The following ACP3 variants were observed in gnomAD, a reference collection of about 807,000 sequenced individuals.
ACP3 encodes the protein prostatic acid phosphatase.
ACP3 carries 38 observed loss-of-function variants against 45.6 expected under a neutral mutation model. The ratio of observed to expected loss-of-function variants is 0.83; its 90% confidence interval spans 0.64 to 1.09. The LOEUF is 1.09. Among genes scored for constraint, ACP3 ranks in the 50% least tolerant of loss-of-function variants. ACP3 has a pLI of 0.00. For missense variants in ACP3, 466 were observed against 463.2 expected (o/e 1.01, Z -0.05); for synonymous variants, 162 against 164.7 (o/e 0.98, Z 0.13).
chr3:132,329,435 A>T (rs55716485), intron 2 of ACP3, among the ~76,000 whole-genome samples: 2 of 152,118 alleles, frequency 1.3e-5, no homozygotes, highest in African/African-American at 4.8e-5. Flanking sequence ...TTCTGCCCTG[A>T]CTATATTTCA....
In ACP3 at chr3:132,358,077, A is replaced by AAATG. The variant is rs1937955302; in HGVS notation, c.*1201_*1202insTGAA. On this transcript the variant is annotated 3_prime_UTR_variant, in exon 10 of 10. Transcript: ENST00000336375. ...TAAATAAATAAATAAATAAATAAATAAAAACAAAGTTGATTAAGAAAGGAA... is the reference window on the plus strand; with the variant it reads ...TAAATAAATAAATAAATAAATAAATAAATGAAAACAAAGTTGATTAAGAAAGGAA... The AAATG allele has an allele frequency of 2.3e-5, 2 of 88,316 alleles. No individual in the cohort carries two copies. The highest frequency in any genetic ancestry group is 7.4e-4 in the South Asian group (2 of 2,710). The allele number at this position is 88,316 out of a possible 1,614,324, so 5.5% of individuals were successfully genotyped here.
intron 7 of ACP3, among the ~76,000 whole-genome samples, chr3:132,349,116 A>G (rs2107812059): frequency 6.7e-6 from 1 of 149,116 alleles, no homozygotes; most frequent in South Asian, 2.1e-4. Flanking sequence ...CTGAAGCAAC[A>G]TGTCCTTAAA....
At chr3:132,360,684 C>T (rs1052029127), downstream of ACP3, among the ~76,000 whole-genome samples, 1 of 152,164 alleles carries the variant, frequency 6.6e-6, no homozygotes, top group Admixed American at 6.5e-5. Context: ...AGTGCTCTCC[C>T]ACCCCCATCT....
intron 10 of ACP3, among the ~76,000 whole-genome samples, chr3:132,366,712 C>T (rs1045297143): frequency 5.9e-5 from 9 of 152,076 alleles, no homozygotes; most frequent in South Asian, 2.1e-4. Context: ...ATGAGTCTTG[C>T]GCTTAAGATA....
chr3:132,355,238 T>A (rs1937854620), intron 9 of ACP3, among the ~76,000 whole-genome samples: 1 of 152,212 alleles, frequency 6.6e-6, no homozygotes, highest in Non-Finnish European at 1.5e-5. Flanking sequence ...CACTTTCTAC[T>A]GGCTAAATTA....
At chr3:132,334,324 C>T (rs141501524) in intron 4 of ACP3, among the ~76,000 whole-genome samples, 1,553 of 152,294 alleles carry the variant, frequency 0.01, 73 homozygotes, top group Admixed American at 0.083. Context: ...AAAATTCTCT[C>T]ATATCAACTA....
chr3:132,356,462 T>C (rs1242042342), intron 9 of ACP3, among the ~76,000 whole-genome samples: 1 of 152,100 alleles, frequency 6.6e-6, no homozygotes, highest in Non-Finnish European at 1.5e-5. Context: ...GCCTACCTCC[T>C]ATGTCCCTGT....
chr3:132,356,294 A>G (rs370850827), intron 9 of ACP3, among the ~76,000 whole-genome samples: 1 of 152,158 alleles, frequency 6.6e-6, no homozygotes, highest in Admixed American at 6.5e-5. Flanking sequence ...ACAGAAAAAG[A>G]AAAAAAGGAG....
At chr3:132,337,358 G>T (rs1014239543) in intron 4 of ACP3, 98 bp from the exon 5 acceptor site, 3 of 691,144 alleles carry the variant, frequency 4.3e-6, no homozygotes, top group African/African-American at 3.5e-5. Context: ...TTTTATTAAG[G>T]TTGCTTTGAA....
At chr3:132,328,679 C>CAAAAAAAA (rs553521994) in intron 2 of ACP3, among the ~76,000 whole-genome samples, 3 of 70,238 alleles carry the variant, frequency 4.3e-5, no homozygotes, top group East Asian at 1.1e-3. Context: ...AACTCTATCT[C>CAAAAAAAA]AAAAAAAAAA....
At chr3:132,343,962 T>C (rs56402161) in intron 6 of ACP3, among the ~76,000 whole-genome samples, 52,003 of 151,886 alleles carry the variant, frequency 0.34, 9,287 homozygotes, top group Middle Eastern at 0.51. Flanking sequence ...AATGAGGCCC[T>C]ACCTCTACAA....
chr3:132,338,523 A>T (rs969562055), intron 5 of ACP3, among the ~76,000 whole-genome samples: 2 of 152,240 alleles, frequency 1.3e-5, no homozygotes, highest in Non-Finnish European at 2.9e-5. Flanking sequence ...TACCTGTGGG[A>T]TAATATCCTA....
rs73001146 is a variant in ACP3, at chr3:132,317,434, T to C, written c.-23T>C. ...AGTGGTAGCAGTTCCTCCTAACTCCTGCCAGAAACAGCTCTCCTCAACATG... is the reference window on the plus strand; with the variant it reads ...AGTGGTAGCAGTTCCTCCTAACTCCCGCCAGAAACAGCTCTCCTCAACATG... On this transcript the variant is annotated 5_prime_UTR_variant, in exon 1 of 10. Transcript: ENST00000336375. The C allele has an allele frequency of 8.3e-4, 1,338 of 1,606,512 alleles. 7 individuals are homozygous for C. In the African/African-American group the frequency reaches 0.016, roughly 19 times the overall value.
downstream of ACP3, among the ~76,000 whole-genome samples, chr3:132,362,368 A>G (rs957751073): frequency 6.6e-6 from 1 of 152,180 alleles, no homozygotes; most frequent in Non-Finnish European, 1.5e-5. Context: ...ATTTCCAAAA[A>G]TAGGATTGGT....
At chr3:132,319,674 G>T (rs551984579) in intron 1 of ACP3, among the ~76,000 whole-genome samples, 5 of 152,182 alleles carry the variant, frequency 3.3e-5, no homozygotes, top group Admixed American at 6.5e-5. Flanking sequence ...GCACAAAAAG[G>T]TTAAGCATCT....
At chr3:132,336,418 T>TA (rs796198603) in intron 4 of ACP3, among the ~76,000 whole-genome samples, 23 of 151,696 alleles carry the variant, frequency 1.5e-4, no homozygotes, top group Admixed American at 3.3e-4. Flanking sequence ...ACTATGAAGA[T>TA]AAAAAAAAGC....
intron 4 of ACP3, among the ~76,000 whole-genome samples, chr3:132,336,265 A>G (rs947407866): frequency 1.4e-4 from 21 of 152,008 alleles, no homozygotes; most frequent in Non-Finnish European, 8.8e-5. Context: ...GTCTCAAAAC[A>G]TAATAATAAT....
intron 8 of ACP3, among the ~76,000 whole-genome samples, chr3:132,351,711 C>T (rs1179861862): frequency 2.0e-5 from 3 of 151,666 alleles, no homozygotes; most frequent in African/African-American, 4.8e-5. Context: ...ATGTCATATC[C>T]GTAGCTCCTT....
intron 5 of ACP3, among the ~76,000 whole-genome samples, chr3:132,338,988 T>C (rs953416302): frequency 1.3e-5 from 2 of 152,164 alleles, no homozygotes; most frequent in Non-Finnish European, 2.9e-5. Flanking sequence ...GTATAAAGCC[T>C]AGTACTCATT....
Sources: gnomAD v4.1 joint callset for allele counts (sites outside exome capture counted in the v4.1 genomes callset) on GRCh38, gnomAD v4.1.1 for gene constraint, MANE v1.5 for transcripts, NCBI Gene and HGNC (gene_info 2026-07-23, HGNC 2026-07-21) for gene names.